Variants in RTN4RL1 observed in about 807,000 individuals in gnomAD.
RTN4RL1 encodes the protein reticulon-4 receptor-like 1.
Under a neutral mutation model 25.6 loss-of-function variants are expected in RTN4RL1, and 7 were observed. The observed-to-expected ratio is 0.27, with a 90% CI of 0.16 to 0.51. The LOEUF is 0.51. Among genes scored for constraint, RTN4RL1 ranks in the 20% least tolerant of loss-of-function variants. The pLI is 0.97. For synonymous variants in RTN4RL1, 297 were observed against 288.2 expected (o/e 1.03, Z -0.31); for missense variants, 500 against 615.6 (o/e 0.81, Z 1.99).
chr17:2,000,801 T>C (rs2066953595), intron 1 of RTN4RL1, among the ~76,000 whole-genome samples: 1 of 151,938 alleles, frequency 6.6e-6, no homozygotes, highest in Non-Finnish European at 1.5e-5. Context: ...ATTACAGGGG[T>C]GCGCCACTGC....
intron 1 of RTN4RL1, among the ~76,000 whole-genome samples, chr17:1,997,860 C>G (rs747019744): frequency 6.6e-6 from 1 of 152,198 alleles, no homozygotes; most frequent in African/African-American, 2.4e-5. Flanking sequence ...AGACCCCCGA[C>G]CCCAGCTGAC....
At chr17:1,957,738 G>T (rs1915820340) in intron 1 of RTN4RL1, among the ~76,000 whole-genome samples, 1 of 152,156 alleles carries the variant, frequency 6.6e-6, no homozygotes, top group African/African-American at 2.4e-5. Context: ...CAGCTACTCG[G>T]GAGGCTGAGG....
At chr17:1,990,223 G>A (rs2066903399) in intron 1 of RTN4RL1, among the ~76,000 whole-genome samples, 1 of 152,076 alleles carries the variant, frequency 6.6e-6, no homozygotes, top group Non-Finnish European at 1.5e-5. Flanking sequence ...GCCGGGCATG[G>A]TGGTGGGCAC....
At chr17:1,966,570 C>T (rs988584998) in intron 1 of RTN4RL1, among the ~76,000 whole-genome samples, 1 of 152,098 alleles carries the variant, frequency 6.6e-6, no homozygotes, top group Non-Finnish European at 1.5e-5. Context: ...GTGCTCCTAG[C>T]CTAGGAGAGT....
intron 1 of RTN4RL1, among the ~76,000 whole-genome samples, chr17:1,944,560 G>A (rs953696187): frequency 1.3e-5 from 2 of 152,134 alleles, no homozygotes; most frequent in East Asian, 3.9e-4. Context: ...GAGTTCAAGT[G>A]ATTCTCCTGC....
At chr17:1,940,464 T>C (rs1915417570) in intron 1 of RTN4RL1, among the ~76,000 whole-genome samples, 1 of 152,104 alleles carries the variant, frequency 6.6e-6, no homozygotes, top group Admixed American at 6.5e-5. Context: ...ACGTAGGAGA[T>C]GATGGCAGTG....
Position 1,936,927 on chromosome 17 carries a change from C to T in RTN4RL1, c.895G>A (p.Glu299Lys), listed in dbSNP as rs369588207. 75 of 1,610,132 alleles carry T rather than the reference C, an allele frequency of 4.7e-5. No homozygotes were observed. The highest frequency in any genetic ancestry group is 1.3e-4 in the Admixed American group (8 of 59,636). Residue 299 changes from glutamate (E) to lysine (K), a missense_variant, in exon 2 of 2, where the codon GAG (glutamate) becomes AAG (lysine). By Grantham distance (56) the Glu-to-Lys change is moderately conservative. Coordinates refer to ENST00000331238, the MANE Select transcript of RTN4RL1 (RefSeq NM_178568.4). ...GGTCCCGTGCAGTTCCGGAAGTCCT[C>T]GGCCCTCAGCAGCTTCAGGTCCTGG... ...HGQDLKLLRA[E>K]DFRNCTGPAS...
intron 1 of RTN4RL1, among the ~76,000 whole-genome samples, chr17:1,972,701 G>GC (rs1567513820): frequency 6.6e-6 from 1 of 152,180 alleles, no homozygotes; most frequent in African/African-American, 2.4e-5. Context: ...CGACTCAGCC[G>GC]CAAGTGCCTC....
chr17:1,962,347 C>G (rs1362651440), intron 1 of RTN4RL1, among the ~76,000 whole-genome samples: 1 of 151,618 alleles, frequency 6.6e-6, no homozygotes, highest in African/African-American at 2.4e-5. Context: ...AGACTAGTTA[C>G]CAGTTTTCTT....
rs1567845157 is a variant in RTN4RL1, at chr17:1,935,455, TC to T, written c.*1040del. The T allele has an allele frequency of 1.6e-6, 1 of 639,906 alleles. No individual in the cohort carries two copies. Among genetic ancestry groups the T allele is most frequent in the Non-Finnish European group, 1.9e-6 (1 of 514,230 alleles). 39.6% of individuals were successfully genotyped at this position (639,906 alleles called of 1,614,324 possible). On this transcript the variant is annotated 3_prime_UTR_variant, in exon 2 of 2. Coordinates refer to ENST00000331238, the MANE Select transcript of RTN4RL1 (RefSeq NM_178568.4). ...TGCTCTAAATATCTAAGAATATTGGTCCCCCAAAGTGACTCTTGCTGCCTCC... is the reference window on the plus strand; with the variant it reads ...TGCTCTAAATATCTAAGAATATTGGTCCCCAAAGTGACTCTTGCTGCCTCC...
chr17:1,992,889 T>A (rs755798648), intron 1 of RTN4RL1, among the ~76,000 whole-genome samples: 2 of 152,238 alleles, frequency 1.3e-5, no homozygotes, highest in Non-Finnish European at 2.9e-5. Context: ...ATGACTCTCT[T>A]ATGACCTGCT....
chr17:2,020,508 C>T (rs1484938600), intron 1 of RTN4RL1: 2 of 152,250 alleles, frequency 1.3e-5, no homozygotes, highest in African/African-American at 4.8e-5. Flanking sequence ...GCCTTCCCTT[C>T]TTCCCACAAA....
In RTN4RL1 at chr17:1,987,375, T is replaced by C. The variant is rs941422034; in HGVS notation, c.13+37478A>G. Among the ~76,000 whole-genome samples the C allele has an allele frequency of 4.6e-5, 7 of 152,176 alleles. No individual in the cohort carries two copies. In the South Asian group the frequency reaches 8.3e-4, roughly 18 times the overall value. On this transcript the variant is annotated intron_variant, in intron 1 of 1. Transcript: ENST00000331238. Reference sequence around the variant, plus strand: ...CTGTGGGGGAAGAGAAGTTCTCCTTTTCCGGGAGGAGGGACAGATGGAAAC... The same window carrying C: ...CTGTGGGGGAAGAGAAGTTCTCCTTCTCCGGGAGGAGGGACAGATGGAAAC...
At chr17:1,971,821 G>A (rs1259346471) in intron 1 of RTN4RL1, among the ~76,000 whole-genome samples, 3 of 152,004 alleles carry the variant, frequency 2.0e-5, no homozygotes, top group South Asian at 2.1e-4. Context: ...CATTAGCCAG[G>A]TGTGGTGGCG....
At chr17:1,954,551 C>T (rs1471660138) in intron 1 of RTN4RL1, among the ~76,000 whole-genome samples, 11 of 152,026 alleles carry the variant, frequency 7.2e-5, no homozygotes, top group Non-Finnish European at 1.3e-4. Context: ...CCACGCCAAG[C>T]TAGTTTTTGT....
intron 1 of RTN4RL1, chr17:2,023,766 C>T (rs1162665520): frequency 6.6e-6 from 1 of 151,680 alleles, no homozygotes; most frequent in African/African-American, 2.4e-5. Flanking sequence ...TACGACACCT[C>T]GGTCTGTTGC....
rs1043210632 is a variant in RTN4RL1 at position 2,002,791 on chromosome 17, G to A, written c.13+22062C>T. ...GGGGGCAGAGGGAAAGTCAGGTCCC[G>A]GCGAGGAGGCAGGGGCAGCAGCCAG... On this transcript the variant is annotated intron_variant, in intron 1 of 1. Coordinates refer to ENST00000331238, the MANE Select transcript of RTN4RL1 (RefSeq NM_178568.4). Among the ~76,000 whole-genome samples, 95 of 152,134 alleles carry A rather than the reference G, an allele frequency of 6.2e-4. 2 individuals carry two copies. The highest frequency in any genetic ancestry group is 2.2e-4 in the Non-Finnish European group (15 of 68,034).
chr17:1,952,749 C>T (rs997390214), intron 1 of RTN4RL1, among the ~76,000 whole-genome samples: 14 of 151,798 alleles, frequency 9.2e-5, no homozygotes, highest in Non-Finnish European at 1.6e-4. Context: ...CTAGAGGAGC[C>T]GGGCTCCTCT....
At chr17:2,022,855 AAC>A (rs1054413457) in intron 1 of RTN4RL1, among the ~76,000 whole-genome samples, 1 of 152,180 alleles carries the variant, frequency 6.6e-6, no homozygotes, top group Non-Finnish European at 1.5e-5. Context: ...CCGAGTGGCA[AAC>A]ACACGTGACT....
Sources: allele counts gnomAD v4.1 joint callset (sites outside exome capture counted in the v4.1 genomes callset), GRCh38; gene constraint gnomAD v4.1.1; transcripts MANE v1.5; gene names NCBI Gene and HGNC (gene_info 2026-07-23, HGNC 2026-07-21).